The following CENPU variants were observed in gnomAD, a reference collection of about 807,000 sequenced individuals.
The protein encoded by CENPU is KSHV latent nuclear antigen interacting protein 1.
A neutral mutation model predicts 56.7 loss-of-function variants in CENPU; 46 were observed. The ratio of observed to expected loss-of-function variants is 0.81; its 90% CI spans 0.64 to 1.04. CENPU has a LOEUF of 1.04. Among genes scored for constraint, CENPU ranks in the 50% least tolerant of loss-of-function variants. The probability of loss-of-function intolerance (pLI) is 0.00; values close to 1 mark genes in which losing one functional copy is unlikely to be tolerated. For missense variants in CENPU, 510 were observed against 490.1 expected (o/e 1.04, Z -0.38); for synonymous variants, 166 against 163.0 (o/e 1.02, Z -0.14).
At position 184,733,937 on chromosome 4, in the gene CENPU, G is replaced by A. The variant is rs190551577; in HGVS notation, c.47+79C>T. The A allele has an allele frequency of 1.9e-4, 297 of 1,583,224 alleles. 1 individual carries two copies. The African/African-American group carries it at 3.4e-3, about 18-fold the overall frequency. ...CACAGTGGAGCACCAACAGCGCCGG[G>A]AGGCGCAAACCACGGCAGGCGAGGA... On this transcript the variant is annotated intron_variant, in intron 1 of 12. Transcript: ENST00000281453.
intron 6 of CENPU, among the ~76,000 whole-genome samples, chr4:184,713,258 G>A (rs1421068913): frequency 2.0e-5 from 3 of 152,192 alleles, no homozygotes; most frequent in African/African-American, 7.2e-5. Flanking sequence ...GGGTGTGGTG[G>A]TGCGTGCCTA....
Position 184,712,925 on chromosome 4 carries a change from A to T in CENPU, c.688+19T>A. On this transcript the variant is annotated intron_variant, in intron 7 of 12. Transcript: ENST00000281453. The stretch of plus-strand genomic sequence containing the variant: ...GAAATTCCTGAATGAGTGACAAAGT[A>T]TAAAACATCATTCTCTACCTGAGCC... 1 of 1,513,570 alleles carries T rather than the reference A, an allele frequency of 6.6e-7. No individual in the cohort carries two copies. Among genetic ancestry groups the T allele is most frequent in the Non-Finnish European group, 9.0e-7 (1 of 1,105,468 alleles). The allele number at this position is 1,513,570 out of a possible 1,614,324, so 93.8% of individuals were successfully genotyped here. A position where few individuals can be genotyped will look rare whatever the true frequency, so the allele number is the denominator to read the frequency against.
intron 10 of CENPU, among the ~76,000 whole-genome samples, chr4:184,701,204 G>C (rs1487036096): frequency 6.6e-6 from 1 of 152,084 alleles, no homozygotes; most frequent in African/African-American, 2.4e-5. Context: ...GGCATACTAG[G>C]AAACTATCAA....
Position 184,694,789 on chromosome 4 carries a change from T to C in CENPU, c.*499A>G, listed in dbSNP as rs368622355. On this transcript the variant is annotated 3_prime_UTR_variant, in exon 13 of 13. Transcript: ENST00000281453. ...AGTATTACAAGAGTAACTAATTCAC[T>C]ATGAACACTTTTGTCACCAGGCTAT... is the stretch of plus-strand genomic sequence containing the variant. 6.3e-6 allele frequency: 10 copies of C among 1,595,646 alleles called. No homozygotes were observed. In the African/African-American group the frequency reaches 1.2e-4, roughly 19 times the overall value.
intron 8 of CENPU, among the ~76,000 whole-genome samples, chr4:184,706,054 C>A (rs1760716631): frequency 6.6e-6 from 1 of 152,154 alleles, no homozygotes; most frequent in African/African-American, 2.4e-5. Context: ...CGTGAATATA[C>A]TTAACACTAT....
At chr4:184,706,002 T>C (rs748923296) in intron 8 of CENPU, among the ~76,000 whole-genome samples, 6 of 152,200 alleles carry the variant, frequency 3.9e-5, no homozygotes, top group East Asian at 1.9e-4. Flanking sequence ...AGAATGTCAG[T>C]TGGGCAAGAT....
chr4:184,707,419 A>C (rs928066526), intron 8 of CENPU, among the ~76,000 whole-genome samples: 1 of 152,036 alleles, frequency 6.6e-6, no homozygotes, highest in Non-Finnish European at 1.5e-5. Flanking sequence ...CTCAAGACTG[A>C]AACTGGGGTT....
intron 8 of CENPU, among the ~76,000 whole-genome samples, chr4:184,708,237 A>T (rs1399011259): frequency 6.6e-6 from 1 of 151,060 alleles, no homozygotes; most frequent in Non-Finnish European, 1.5e-5. Context: ...AAAAAAAAAA[A>T]AAAAAAAGCA....
intron 8 of CENPU, among the ~76,000 whole-genome samples, chr4:184,708,222 C>CAAA (rs11322939): frequency 5.6e-5 from 5 of 89,834 alleles, no homozygotes; most frequent in East Asian, 3.8e-4. Context: ...GACTCCATCT[C>CAAA]AAAAAAAAAA....
intron 7 of CENPU, among the ~76,000 whole-genome samples, chr4:184,711,643 C>A (rs1347174368): frequency 6.6e-6 from 1 of 152,134 alleles, no homozygotes; most frequent in Non-Finnish European, 1.5e-5. Flanking sequence ...AAACTGTGCA[C>A]TTAAACATTT....
intron 11 of CENPU, chr4:184,699,492 CCA>C: frequency 8.9e-7 from 1 of 1,125,270 alleles, no homozygotes; most frequent in South Asian, 1.3e-5. Context: ...AAGTGCCCTG[CCA>C]CACAGGAAGC....
Position 184,695,363 on chromosome 4 carries a change from T to G in CENPU, c.1182A>C (p.Ala394=). The stretch of plus-strand genomic sequence containing the variant: ...GGCTTTCGGCTCCCAGAAGTGTTCT[T>G]GCTTTAAATAACAGAGCTGGAAGGC... ...SSSLPALLFK[A]RTLLGAESHL... Residue 394 remains alanine (A), a synonymous_variant, in exon 13 of 13, where the codon GCA becomes GCC. Coordinates refer to ENST00000281453, the MANE Select transcript of CENPU (RefSeq NM_024629.4). The G allele has an allele frequency of 6.2e-7, 1 of 1,613,478 alleles. No homozygotes were observed. Among genetic ancestry groups the G allele is most frequent in the Non-Finnish European group, 8.5e-7 (1 of 1,179,470 alleles).
intron 4 of CENPU, among the ~76,000 whole-genome samples, chr4:184,717,822 TCA>T (rs944575887): frequency 2.6e-4 from 39 of 152,234 alleles, no homozygotes; most frequent in African/African-American, 9.4e-4. Context: ...AGGAAAAGCA[TCA>T]CAGTTATGAC....
At chr4:184,718,435 T>C (rs1249618625) in intron 4 of CENPU, among the ~76,000 whole-genome samples, 3 of 152,174 alleles carry the variant, frequency 2.0e-5, no homozygotes, top group Non-Finnish European at 4.4e-5. Context: ...GGATCCAAAC[T>C]GGCACAGGGG....
chr4:184,720,450 G>A (rs183328916), intron 4 of CENPU, among the ~76,000 whole-genome samples: 1 of 152,228 alleles, frequency 6.6e-6, no homozygotes, highest in Non-Finnish European at 1.5e-5. Context: ...TAGAGAAAAG[G>A]GGGTAGAAAG....
intron 2 of CENPU, 27 bp from the exon 3 acceptor site, chr4:184,729,062 G>C: frequency 6.5e-7 from 1 of 1,531,206 alleles, no homozygotes; most frequent in Non-Finnish European, 9.0e-7. Flanking sequence ...TTGAGTCATT[G>C]AGTTGGCTCT....
rs1275255522 is a variant in CENPU, at chr4:184,717,192, C to A, written c.325G>T (p.Asp109Tyr). 1 of 1,611,378 alleles carries A rather than the reference C, an allele frequency of 6.2e-7. No individual in the cohort carries two copies. The highest frequency in any genetic ancestry group is 1.3e-5 in the African/African-American group (1 of 75,024). ...TCACTTGCTTCATTTCCAGAAGTGT[C>A]TGAACTGTAAAAAGTACAAGCCATC... ...PPGKEAKRSS[D>Y]TSGNEASEIE... Residue 109 changes from aspartate to tyrosine, a missense_variant, in exon 5 of 13, where the codon GAC (aspartate) becomes TAC (tyrosine). Coordinates refer to ENST00000281453, the MANE Select transcript of CENPU (RefSeq NM_024629.4).
At chr4:184,721,841 C>T (rs1480279923) in intron 4 of CENPU, among the ~76,000 whole-genome samples, 1 of 152,090 alleles carries the variant, frequency 6.6e-6, no homozygotes, top group Non-Finnish European at 1.5e-5. Flanking sequence ...AGAGATCTTC[C>T]AGACAGACAA....
chr4:184,705,571 C>A (rs959856373), intron 8 of CENPU, among the ~76,000 whole-genome samples: 2 of 142,868 alleles, frequency 1.4e-5, no homozygotes, highest in Non-Finnish European at 3.0e-5. Context: ...CAAAAGAAGA[C>A]ATTTAATTAA....
Sources: gnomAD v4.1 joint callset for allele counts (sites outside exome capture counted in the v4.1 genomes callset) on GRCh38, gnomAD v4.1.1 for gene constraint, MANE v1.5 for transcripts, NCBI Gene and HGNC (gene_info 2026-07-23, HGNC 2026-07-21) for gene names.